ELMO1: variants seen among roughly 807,000 people sequenced by gnomAD.
ELMO1 encodes engulfment and cell motility 1.
Under a neutral mutation model 98.9 loss-of-function variants are expected in ELMO1, and 26 were observed. The ratio of observed to expected loss-of-function variants is 0.26; its 90% CI spans 0.19 to 0.36. ELMO1 has a LOEUF of 0.36. Ranked by LOEUF, ELMO1 falls within the 10% of genes least tolerant of loss-of-function variation. ELMO1 has a pLI of 1.00. For missense variants in ELMO1, 627 were observed against 935.2 expected, an observed-to-expected ratio of 0.67 and a Z score of 4.30; for synonymous variants, 346 against 346.0, an observed-to-expected ratio of 1.00 and a Z score of 0.00.
intron 13 of ELMO1, among the ~76,000 whole-genome samples, chr7:37,186,870 T>A (rs1001034455): frequency 6.6e-6 from 1 of 152,212 alleles, no homozygotes; most frequent in Non-Finnish European, 1.5e-5. Flanking sequence ...GCATATACAT[T>A]GGTGCAAGCA....
At position 37,089,358 on chromosome 7, in the gene ELMO1, A is replaced by T. The variant is rs767905756; in HGVS notation, c.1300+7261T>A. 3.0e-4 allele frequency among the ~76,000 whole-genome samples: 46 copies of T among 151,478 alleles called. 1 individual carries two copies. Among genetic ancestry groups the T allele is most frequent in the Middle Eastern group, 6.9e-3 (2 of 288 alleles). On this transcript the variant is annotated intron_variant, in intron 15 of 21. Coordinates refer to ENST00000310758, the MANE Select transcript of ELMO1 (RefSeq NM_014800.11). ...GTAGGTTTCTTTCTTGCTTTTTTTT[A>T]AAAAAAAACCCAGAGCAGTAGTATT...
intron 1 of ELMO1, among the ~76,000 whole-genome samples, chr7:37,427,892 G>A (rs776462652): frequency 6.6e-6 from 1 of 152,208 alleles, no homozygotes. Flanking sequence ...AAGTCTGCCA[G>A]CTTGGAGGCT....
At chr7:37,035,450 C>T (rs556666026) in intron 15 of ELMO1, among the ~76,000 whole-genome samples, 14 of 152,174 alleles carry the variant, frequency 9.2e-5, no homozygotes, top group Admixed American at 1.3e-4. Flanking sequence ...GAGATTAAAA[C>T]GTATTTCATA....
intron 15 of ELMO1, among the ~76,000 whole-genome samples, chr7:37,082,713 C>A (rs1452243170): frequency 1.3e-5 from 2 of 148,526 alleles, no homozygotes; most frequent in Non-Finnish European, 3.0e-5. Context: ...CCCGGGTGAC[C>A]CTGTCTCAAA....
chr7:36,991,298 T>C (rs980074270), intron 16 of ELMO1, among the ~76,000 whole-genome samples: 8 of 152,126 alleles, frequency 5.3e-5, no homozygotes, highest in Non-Finnish European at 8.8e-5. Context: ...AACACACTGA[T>C]ATCGTTTCCA....
chr7:36,888,396 C>T (rs1301019401), intron 17 of ELMO1, among the ~76,000 whole-genome samples: 1 of 151,938 alleles, frequency 6.6e-6, no homozygotes, highest in South Asian at 2.1e-4. Context: ...ATGTAGTGCC[C>T]TAGCATTTGA....
intron 4 of ELMO1, among the ~76,000 whole-genome samples, chr7:37,275,492 T>C (rs955197275): frequency 6.6e-6 from 1 of 152,220 alleles, no homozygotes; most frequent in African/African-American, 2.4e-5. Context: ...CTGAGTGGAC[T>C]CAGTAAAAGC....
intron 15 of ELMO1, among the ~76,000 whole-genome samples, chr7:37,019,808 C>T (rs932226650): frequency 3.3e-5 from 5 of 152,166 alleles, no homozygotes; most frequent in Non-Finnish European, 5.9e-5. Context: ...AAACCCAACA[C>T]AATGGTTTTT....
At chr7:37,266,265 T>TA (rs896195843) in intron 5 of ELMO1, among the ~76,000 whole-genome samples, 15 of 150,172 alleles carry the variant, frequency 1.0e-4, no homozygotes, top group South Asian at 4.2e-4. Flanking sequence ...AAAATGGAAT[T>TA]AAAAAAAAAA....
intron 13 of ELMO1, among the ~76,000 whole-genome samples, chr7:37,188,600 A>C (rs1417243717): frequency 6.6e-6 from 1 of 151,668 alleles, no homozygotes; most frequent in Non-Finnish European, 1.5e-5. Flanking sequence ...AGGCATCTTA[A>C]GAGTTTTTTT....
At chr7:37,307,836 G>A (rs1163152961) in intron 4 of ELMO1, among the ~76,000 whole-genome samples, 1 of 152,224 alleles carries the variant, frequency 6.6e-6, no homozygotes, top group African/African-American at 2.4e-5. Flanking sequence ...ATGCAGCTGG[G>A]TGTGGTGGCT....
chr7:36,992,581 G>T (rs772307716), intron 16 of ELMO1, among the ~76,000 whole-genome samples: 3 of 152,198 alleles, frequency 2.0e-5, no homozygotes, highest in Non-Finnish European at 4.4e-5. Flanking sequence ...GACAAAAAGC[G>T]ACTGGGCCAA....
chr7:36,883,045 A>G lies in ELMO1; in HGVS notation c.1714+4515T>C, dbSNP rs1804614378. Among the ~76,000 whole-genome samples the G allele has an allele frequency of 2.6e-5, 4 of 152,228 alleles. No individual in the cohort carries two copies. The South Asian group carries it at 8.3e-4, about 31-fold the overall frequency. ...GACCTGCTCCCCACAACAGGGCAAT[A>G]TGGTTACCATGCCTGAACGCACCAC... is the stretch of plus-strand genomic sequence containing the variant. On this transcript the variant is annotated intron_variant, in intron 18 of 21. Coordinates refer to ENST00000310758, the MANE Select transcript of ELMO1 (RefSeq NM_014800.11).
intron 13 of ELMO1, among the ~76,000 whole-genome samples, chr7:37,169,050 A>G (rs546920062): frequency 0.042 from 6,409 of 151,082 alleles, 229 homozygotes; most frequent in South Asian, 0.16. Flanking sequence ...AATGGCGGGC[A>G]CCCCTCCCCC....
intron 2 of ELMO1, among the ~76,000 whole-genome samples, chr7:37,319,171 G>GT (rs895371611): frequency 6.6e-6 from 1 of 152,064 alleles, no homozygotes; most frequent in African/African-American, 2.4e-5. Context: ...TCTCCTGCAG[G>GT]TATCTTATTA....
intron 7 of ELMO1, among the ~76,000 whole-genome samples, chr7:37,243,628 G>A (rs1794860295): frequency 6.6e-6 from 1 of 152,148 alleles, no homozygotes; most frequent in African/African-American, 2.4e-5. Context: ...CATTGAAGGT[G>A]ATGAGGATTT....
intron 7 of ELMO1, among the ~76,000 whole-genome samples, chr7:37,243,315 C>G (rs937171075): frequency 1.4e-4 from 21 of 152,168 alleles, no homozygotes; most frequent in African/African-American, 5.1e-4. Context: ...GCTCCTCCAT[C>G]TGATTTTAAC....
chr7:37,073,704 TC>T (rs1797406625), intron 15 of ELMO1, among the ~76,000 whole-genome samples: 1 of 151,984 alleles, frequency 6.6e-6, no homozygotes, highest in African/African-American at 2.4e-5. Flanking sequence ...ATGCTTGAAC[TC>T]CTGGGTCTGT....
intron 13 of ELMO1, among the ~76,000 whole-genome samples, chr7:37,160,725 C>A (rs1303964567): frequency 6.6e-6 from 1 of 152,174 alleles, no homozygotes; most frequent in Non-Finnish European, 1.5e-5. Context: ...GTCCTGTGCC[C>A]ACCAGTCACG....
Sources: allele counts gnomAD v4.1 joint callset (sites outside exome capture counted in the v4.1 genomes callset), GRCh38; gene constraint gnomAD v4.1.1; transcripts MANE v1.5; gene names NCBI Gene and HGNC (gene_info 2026-07-23, HGNC 2026-07-21).